Variants in MGAT5 observed in about 807,000 individuals in gnomAD.
The protein encoded by MGAT5 is alpha-1,6-mannosylglycoprotein 6-beta-N-acetylglucosaminyltransferase.
MGAT5 carries 30 observed loss-of-function variants against 94.3 expected under a neutral mutation model. The observed-to-expected ratio is 0.32, with a 90% CI of 0.24 to 0.43. The LOEUF (loss-of-function observed/expected upper bound fraction) is 0.43, where lower values mean the gene tolerates loss of function less well. Among genes scored for constraint, MGAT5 ranks in the 20% least tolerant of loss-of-function variants. The pLI, the probability that MGAT5 is intolerant of heterozygous loss-of-function variation, is 1.00. For synonymous variants in MGAT5, 310 were observed against 322.9 expected (o/e 0.96, Z 0.43); for missense variants, 691 against 905.5 (o/e 0.76, Z 3.04).
intron 4 of MGAT5, among the ~76,000 whole-genome samples, chr2:134,335,522 C>G (rs1218229646): frequency 2.0e-5 from 3 of 151,856 alleles, no homozygotes; most frequent in African/African-American, 4.8e-5. Context: ...TTTCCTTTCT[C>G]TTTCCTCCTC....
intron 10 of MGAT5, among the ~76,000 whole-genome samples, chr2:134,388,075 A>G (rs746903059): frequency 6.6e-6 from 1 of 152,236 alleles, no homozygotes; most frequent in Non-Finnish European, 1.5e-5. Context: ...GAAGGGAGGC[A>G]CAGAACTAAC....
chr2:134,332,579 T>C (rs1688043648), intron 4 of MGAT5, among the ~76,000 whole-genome samples: 1 of 152,086 alleles, frequency 6.6e-6, no homozygotes, highest in Admixed American at 6.6e-5. Flanking sequence ...AAAGCCAAAA[T>C]TGACAAAGGG....
At chr2:134,151,194 TCA>T (rs1687152937) in intron 1 of MGAT5, among the ~76,000 whole-genome samples, 1 of 150,262 alleles carries the variant, frequency 6.7e-6, no homozygotes, top group African/African-American at 2.5e-5. Flanking sequence ...GGGACCTCAC[TCA>T]CGCCCTATGG....
intron 2 of MGAT5, among the ~76,000 whole-genome samples, chr2:134,315,833 G>A (rs1418433320): frequency 1.3e-5 from 2 of 152,138 alleles, no homozygotes; most frequent in Non-Finnish European, 2.9e-5. Flanking sequence ...TTATTTTTAT[G>A]CTCTAGTTAT....
rs1037310515 is a variant in MGAT5, at chr2:134,412,728, C to T, written c.1531-141C>T. On this transcript the variant is annotated intron_variant, in intron 11 of 15. Coordinates refer to ENST00000281923, the MANE Select transcript of MGAT5 (RefSeq NM_002410.5). ...AAGCTGAATTCTCTCTGCCCCACCC[C>T]CCAGGGCCTGGGAGCCTTCCAAAGT... 19 of 1,039,796 alleles carry T rather than the reference C, an allele frequency of 1.8e-5. No homozygotes were observed. In the Admixed American group the frequency reaches 2.1e-4, roughly 12 times the overall value. 64.4% of individuals were successfully genotyped at this position (1,039,796 alleles called of 1,614,324 possible).
intron 1 of MGAT5, among the ~76,000 whole-genome samples, chr2:134,241,953 A>G (rs986492100): frequency 1.3e-5 from 2 of 152,332 alleles, no homozygotes; most frequent in South Asian, 2.1e-4. Flanking sequence ...ACCCTGGAAA[A>G]TATCGGAATT....
At chr2:134,206,587 G>A (rs1030365785) in intron 1 of MGAT5, among the ~76,000 whole-genome samples, 2 of 146,800 alleles carry the variant, frequency 1.4e-5, no homozygotes, top group African/African-American at 5.5e-5. Flanking sequence ...CTCCTGAAAC[G>A]TGGATGTAGC....
intron 4 of MGAT5, among the ~76,000 whole-genome samples, chr2:134,328,035 A>G (rs1244666369): frequency 1.3e-5 from 2 of 152,074 alleles, no homozygotes; most frequent in Non-Finnish European, 2.9e-5. Context: ...AAGTATCTCT[A>G]TGCATTATCT....
chr2:134,256,408 C>T (rs1014353412), intron 1 of MGAT5, among the ~76,000 whole-genome samples: 2 of 151,300 alleles, frequency 1.3e-5, no homozygotes, highest in East Asian at 3.9e-4. Context: ...AGAGTTACAG[C>T]TCAGTGGTAA....
At chr2:134,138,026 C>G (rs1204637891) in intron 1 of MGAT5, among the ~76,000 whole-genome samples, 1 of 148,404 alleles carries the variant, frequency 6.7e-6, no homozygotes, top group Non-Finnish European at 1.5e-5. Context: ...GAGTCTTGCT[C>G]TCTTGCCCAG....
intron 1 of MGAT5, among the ~76,000 whole-genome samples, chr2:134,174,489 C>T (rs1688365293): frequency 6.6e-6 from 1 of 152,266 alleles, no homozygotes; most frequent in Non-Finnish European, 1.5e-5. Flanking sequence ...GAGTATAAAG[C>T]AGTCTAATTT....
intron 4 of MGAT5, among the ~76,000 whole-genome samples, chr2:134,334,916 C>T (rs1688244930): frequency 1.3e-5 from 2 of 152,076 alleles, no homozygotes. Context: ...CTGAATCATT[C>T]ACAAATATGG....
chr2:134,421,311 A>G (rs897258287), intron 12 of MGAT5, among the ~76,000 whole-genome samples: 4 of 152,176 alleles, frequency 2.6e-5, no homozygotes, highest in Non-Finnish European at 5.9e-5. Context: ...CTGACTGGGC[A>G]TGGTGGTTCA....
intron 4 of MGAT5, among the ~76,000 whole-genome samples, chr2:134,320,255 C>T (rs1274065641): frequency 1.3e-5 from 2 of 152,124 alleles, no homozygotes; most frequent in Non-Finnish European, 2.9e-5. Context: ...GGAAGAGATG[C>T]GTAAGGCTAG....
chr2:134,254,368 T>C lies in MGAT5; in HGVS notation c.-36T>C. ...TGAATTTGTGTCTATCTTCTACGCGTTAAGAGCCAAGGACAGGTGAAGTTG... is the reference window on the plus strand; with the variant it reads ...TGAATTTGTGTCTATCTTCTACGCGCTAAGAGCCAAGGACAGGTGAAGTTG... On this transcript the variant is annotated 5_prime_UTR_variant, in exon 1 of 16. Coordinates refer to ENST00000281923, the MANE Select transcript of MGAT5 (RefSeq NM_002410.5). 1 of 1,612,196 alleles carries C rather than the reference T, an allele frequency of 6.2e-7. No homozygotes were observed. The highest frequency in any genetic ancestry group is 2.2e-5 in the East Asian group (1 of 44,860).
intron 2 of MGAT5, among the ~76,000 whole-genome samples, chr2:134,288,414 G>T (rs897175053): frequency 6.6e-5 from 10 of 152,158 alleles, no homozygotes; most frequent in African/African-American, 2.2e-4. Flanking sequence ...ATGTGTTGCC[G>T]TGTTGCCTGT....
At chr2:134,444,335 C>T (rs1052201223) in intron 15 of MGAT5, among the ~76,000 whole-genome samples, 9 of 152,190 alleles carry the variant, frequency 5.9e-5, no homozygotes, top group African/African-American at 2.2e-4. Flanking sequence ...GAGGCCAGGC[C>T]CTGTGCCATG....
intron 1 of MGAT5, among the ~76,000 whole-genome samples, chr2:134,183,514 T>C (rs1341281924): frequency 1.3e-5 from 2 of 152,204 alleles, no homozygotes; most frequent in Non-Finnish European, 2.9e-5. Context: ...TCTTACTACA[T>C]CAGTATATTA....
intron 10 of MGAT5, 22 bp from the exon 11 acceptor site, chr2:134,402,966 T>A (rs1272189237): frequency 6.3e-7 from 1 of 1,574,974 alleles, no homozygotes; most frequent in Admixed American, 2.0e-5. Context: ...GAGAAATGTC[T>A]TGTGCTTGTT....
Sources: allele counts gnomAD v4.1 joint callset (sites outside exome capture counted in the v4.1 genomes callset), GRCh38; gene constraint gnomAD v4.1.1; transcripts MANE v1.5; gene names NCBI Gene and HGNC (gene_info 2026-07-23, HGNC 2026-07-21).